The following ZNF385D variants were observed in gnomAD, a reference collection of about 807,000 sequenced individuals.
ZNF385D encodes the protein zinc finger protein 659.
Under a neutral mutation model 35.8 loss-of-function variants are expected in ZNF385D, and 15 were observed. The observed-to-expected ratio is 0.42, with a 90% confidence interval of 0.28 to 0.64. ZNF385D has a LOEUF of 0.64. ZNF385D is among the 30% of genes least tolerant of loss of function. ZNF385D has a pLI of 0.23. For synonymous variants in ZNF385D, 212 were observed against 186.8 expected (o/e 1.13, Z -1.10); for missense variants, 474 against 494.6 (o/e 0.96, Z 0.39).
At chr3:22,077,825 G>A (rs1051930333) in intron 3 of ZNF385D, among the ~76,000 whole-genome samples, 1 of 151,834 alleles carries the variant, frequency 6.6e-6, no homozygotes, top group Non-Finnish European at 1.5e-5. Flanking sequence ...TAAGTAATAG[G>A]TGTGTTAGTG....
At chr3:21,771,230 A>G (rs1206218782) in intron 3 of ZNF385D, among the ~76,000 whole-genome samples, 1 of 151,962 alleles carries the variant, frequency 6.6e-6, no homozygotes. Context: ...CCTAGAACTT[A>G]AAGTATAATA....
intron 3 of ZNF385D, among the ~76,000 whole-genome samples, chr3:21,518,031 C>A (rs747135741): frequency 6.6e-6 from 1 of 152,096 alleles, no homozygotes; most frequent in Non-Finnish European, 1.5e-5. Context: ...ACAAGCCCTG[C>A]AGGTGATTTG....
chr3:21,578,678 T>C (rs2063563990), intron 2 of ZNF385D, among the ~76,000 whole-genome samples: 1 of 152,186 alleles, frequency 6.6e-6, no homozygotes, highest in Non-Finnish European at 1.5e-5. Context: ...CTCTATTCTG[T>C]TCCATTGGTT....
intron 3 of ZNF385D, among the ~76,000 whole-genome samples, chr3:22,069,756 C>CAA (rs1490223894): frequency 3.3e-5 from 5 of 152,098 alleles, no homozygotes; most frequent in Non-Finnish European, 5.9e-5. Flanking sequence ...AGTGATAAGT[C>CAA]AACTGGGACT....
chr3:22,164,190 A>G (rs1172586161), intron 3 of ZNF385D, among the ~76,000 whole-genome samples: 1 of 148,254 alleles, frequency 6.7e-6, no homozygotes, highest in African/African-American at 2.5e-5. Flanking sequence ...TCCTTTTTAC[A>G]CACTATAGGT....
chr3:22,267,877 A>T (rs1372721311), intron 2 of ZNF385D, among the ~76,000 whole-genome samples: 1 of 152,010 alleles, frequency 6.6e-6, no homozygotes, highest in African/African-American at 2.4e-5. Flanking sequence ...TTGATGGAAC[A>T]TGATAAATAT....
chr3:21,710,169 G>A (rs566152888), intron 1 of ZNF385D, among the ~76,000 whole-genome samples: 12 of 152,272 alleles, frequency 7.9e-5, no homozygotes, highest in Admixed American at 2.6e-4. Context: ...AAGACATGAA[G>A]GAGTTTGGGG....
At chr3:21,885,734 CTGTGTCTGTGTG>C (rs145954282) in intron 3 of ZNF385D, among the ~76,000 whole-genome samples, 8,484 of 131,822 alleles carry the variant, frequency 0.064, 432 homozygotes, top group Admixed American at 0.18. Flanking sequence ...CAGGGTGTGT[CTGTGTCTGTGTG>C]TGTGTGTGTG....
intron 3 of ZNF385D, among the ~76,000 whole-genome samples, chr3:21,825,672 G>A (rs1694559772): frequency 6.6e-6 from 1 of 152,150 alleles, no homozygotes; most frequent in East Asian, 1.9e-4. Flanking sequence ...CAGAAGAGAG[G>A]GACGCTGTGG....
chr3:22,274,799 TA>T (rs1389200250), intron 2 of ZNF385D, among the ~76,000 whole-genome samples: 3,863 of 142,744 alleles, frequency 0.027, 104 homozygotes, highest in Admixed American at 0.07. Context: ...TTTTTTTTTT[TA>T]AAAGTCTTCT....
chr3:21,573,009 T>G (rs2063379215), intron 2 of ZNF385D, among the ~76,000 whole-genome samples: 2 of 152,118 alleles, frequency 1.3e-5, no homozygotes, highest in Admixed American at 6.5e-5. Flanking sequence ...TGAACTTAAT[T>G]AGATTAGGGT....
At chr3:21,787,893 G>A (rs557381432) in intron 3 of ZNF385D, among the ~76,000 whole-genome samples, 2 of 143,402 alleles carry the variant, frequency 1.4e-5, no homozygotes, top group African/African-American at 2.6e-5. Context: ...AGAGAGGCGA[G>A]ATCGAGCCAC....
At position 22,086,273 on chromosome 3, in the gene ZNF385D, G is replaced by A. The variant is rs539752274; in HGVS notation, c.325+82544C>T. The stretch of plus-strand genomic sequence containing the variant: ...AGAGGAAGTCAAATTGTCTCTGTTT[G>A]CAGATGACATGATTGTATATTTAGA... On this transcript the variant is annotated intron_variant, in intron 3 of 5. Coordinates refer to the ZNF385D transcript ENST00000494108. Among the ~76,000 whole-genome samples the A allele has an allele frequency of 1.1e-3, 164 of 152,296 alleles. 1 individual carries two copies. Among genetic ancestry groups the A allele is most frequent in the African/African-American group, 3.7e-3 (152 of 41,568 alleles).
At chr3:22,081,263 G>A (rs1381706074) in intron 3 of ZNF385D, among the ~76,000 whole-genome samples, 1 of 152,034 alleles carries the variant, frequency 6.6e-6, no homozygotes, top group Non-Finnish European at 1.5e-5. Flanking sequence ...CCATCTGTGG[G>A]TCTTAATTTC....
At chr3:21,484,043 T>G (rs1297269026) in intron 4 of ZNF385D, among the ~76,000 whole-genome samples, 2 of 152,172 alleles carry the variant, frequency 1.3e-5, no homozygotes, top group Admixed American at 1.3e-4. Flanking sequence ...AACAAGGGAT[T>G]GCTTAATGAC....
At chr3:22,115,749 T>G (rs942925149) in intron 3 of ZNF385D, among the ~76,000 whole-genome samples, 2 of 152,106 alleles carry the variant, frequency 1.3e-5, no homozygotes, top group African/African-American at 2.4e-5. Context: ...AAGAAAAATA[T>G]GTACAGCTTT....
chr3:22,235,892 GT>G (rs1699153104), intron 2 of ZNF385D, among the ~76,000 whole-genome samples: 2 of 152,004 alleles, frequency 1.3e-5, no homozygotes, highest in African/African-American at 4.8e-5. Context: ...CAAATAAAAA[GT>G]AAAAAGTAAA....
At chr3:21,717,890 TA>T (rs943099949) in intron 1 of ZNF385D, among the ~76,000 whole-genome samples, 1 of 152,194 alleles carries the variant, frequency 6.6e-6, no homozygotes, top group African/African-American at 2.4e-5. Context: ...ATTAACAGCA[TA>T]AAAATGGACT....
intron 2 of ZNF385D, among the ~76,000 whole-genome samples, chr3:22,198,618 A>G (rs1696578525): frequency 6.6e-6 from 1 of 152,102 alleles, no homozygotes; most frequent in Admixed American, 6.6e-5. Context: ...AATCTTTCAG[A>G]CCTTTAATTT....
Sources: gnomAD v4.1 joint callset for allele counts (sites outside exome capture counted in the v4.1 genomes callset) on GRCh38, gnomAD v4.1.1 for gene constraint, MANE v1.5 for transcripts, NCBI Gene and HGNC (gene_info 2026-07-23, HGNC 2026-07-21) for gene names.